The following VPS13A variants were observed in gnomAD, a reference collection of about 807,000 sequenced individuals.
The protein encoded by VPS13A is intermembrane lipid transfer protein VPS13A.
VPS13A carries 264 observed loss-of-function variants against 390.9 expected under a neutral mutation model. That is an observed-to-expected ratio of 0.68 (90% CI 0.61 to 0.75). VPS13A has a LOEUF of 0.75. Among genes scored for constraint, VPS13A ranks in the 30% least tolerant of loss-of-function variants. VPS13A has a pLI of 0.00. For synonymous variants in VPS13A, 1,231 were observed against 1,227.1 expected (o/e 1.00, Z -0.07); for missense variants, 3,409 against 3,733.9 (o/e 0.91, Z 2.27).
At chr9:77,197,925 C>A (rs1825098708) in intron 1 of VPS13A, among the ~76,000 whole-genome samples, 1 of 152,168 alleles carries the variant, frequency 6.6e-6, no homozygotes, top group Non-Finnish European at 1.5e-5. Context: ...AATTTTCTCA[C>A]ATTTATTCAC....
At chr9:77,227,697 T>G (rs999143485) in intron 16 of VPS13A, among the ~76,000 whole-genome samples, 15 of 147,800 alleles carry the variant, frequency 1.0e-4, no homozygotes, top group Non-Finnish European at 1.5e-4. Context: ...TGTGGTTTTT[T>G]TTTTGTTTTT....
intron 31 of VPS13A, among the ~76,000 whole-genome samples, chr9:77,292,068 A>G (rs60350051): frequency 0.014 from 2,173 of 151,770 alleles, 51 homozygotes; most frequent in African/African-American, 0.05. Flanking sequence ...TCTTATGGCT[A>G]TTGTTTTGAG....
intron 31 of VPS13A, among the ~76,000 whole-genome samples, chr9:77,285,616 T>C (rs1827278889): frequency 1.3e-5 from 2 of 152,226 alleles, no homozygotes; most frequent in Non-Finnish European, 2.9e-5. Context: ...GGCCTTGTTA[T>C]TAGGCCAACA....
At chr9:77,399,275 T>A (rs1274540944) in intron 68 of VPS13A, among the ~76,000 whole-genome samples, 3 of 150,396 alleles carry the variant, frequency 2.0e-5, no homozygotes, top group Admixed American at 6.6e-5. Context: ...CTATCAAGTG[T>A]GTTACATTTA....
At chr9:77,348,594 T>C (rs1831292156) in intron 52 of VPS13A, among the ~76,000 whole-genome samples, 1 of 152,040 alleles carries the variant, frequency 6.6e-6, no homozygotes, top group Admixed American at 6.6e-5. Context: ...CTGCACGTTC[T>C]GCACGTGTAT....
chr9:77,198,837 A>G (rs937004129), intron 1 of VPS13A, among the ~76,000 whole-genome samples: 3 of 151,910 alleles, frequency 2.0e-5, no homozygotes, highest in Non-Finnish European at 4.4e-5. Context: ...CTAATTTTGT[A>G]CTTTTAGTAG....
At chr9:77,258,257 T>A (rs1825561613) in intron 22 of VPS13A, among the ~76,000 whole-genome samples, 1 of 152,142 alleles carries the variant, frequency 6.6e-6, no homozygotes, top group Non-Finnish European at 1.5e-5. Flanking sequence ...TACCAAACAC[T>A]TCCAGGAGAG....
intron 1 of VPS13A, among the ~76,000 whole-genome samples, chr9:77,191,163 T>C (rs1824658974): frequency 6.6e-6 from 1 of 152,172 alleles, no homozygotes; most frequent in South Asian, 2.1e-4. Flanking sequence ...TCTAACATTT[T>C]GATGTGGGCA....
chr9:77,403,947 G>C (rs1291017091), intron 69 of VPS13A, among the ~76,000 whole-genome samples: 1 of 152,042 alleles, frequency 6.6e-6, no homozygotes, highest in East Asian at 1.9e-4. Context: ...GAAATGAATT[G>C]TCAATCTATG....
chr9:77,210,928 T>C (rs994603106), intron 7 of VPS13A, among the ~76,000 whole-genome samples: 2 of 152,168 alleles, frequency 1.3e-5, no homozygotes, highest in Non-Finnish European at 2.9e-5. Context: ...CTTTAAGAAA[T>C]CCATTTCCAA....
chr9:77,370,714 A>G, intron 65 of VPS13A, 136 bp downstream of exon 65: 2 of 1,396,006 alleles, frequency 1.4e-6, no homozygotes, highest in South Asian at 1.2e-5. Flanking sequence ...GGGTGGTAGC[A>G]TATAAAACAT....
At chr9:77,357,007 T>C (rs1831828312) in intron 55 of VPS13A, 140 bp downstream of exon 55, 1 of 982,558 alleles carries the variant, frequency 1.0e-6, no homozygotes, top group Non-Finnish European at 1.5e-6. Flanking sequence ...TAAAATGTTT[T>C]AAAGAGGTGT....
In VPS13A at chr9:77,321,273, A is replaced by G. The variant is rs1484656471; in HGVS notation, c.5520A>G (p.Gln1840=). The change falls in exon 43 of 72, where the codon CAA becomes CAG. Residue 1840 remains glutamine (Q), a synonymous_variant. Coordinates refer to ENST00000360280, the MANE Select transcript of VPS13A (RefSeq NM_033305.3). ...KTVISFHSKD[Q]LNITLSKCGL... The stretch of plus-strand genomic sequence containing the variant: ...TCATCAGTTTCCATTCAAAAGACCA[A>G]TTAAACATTACATTATCCAAATGTG... 2 of 1,610,874 alleles carry G rather than the reference A, an allele frequency of 1.2e-6. No homozygotes were observed. The highest frequency in any genetic ancestry group is 1.3e-5 in the African/African-American group (1 of 74,980).
rs1654754329 is a variant in VPS13A, at chr9:77,337,395, T to G, written c.6236T>G (p.Ile2079Ser). The G allele has an allele frequency of 1.9e-6, 3 of 1,612,848 alleles. No individual in the cohort carries two copies. Among genetic ancestry groups the G allele is most frequent in the Non-Finnish European group, 2.5e-6 (3 of 1,179,024 alleles). ...AACCCTTCTAAGGAATCATTTCTCATTAATATTGTTCCAGAAAAAGATAAT... is the reference window on the plus strand; with the variant it reads ...AACCCTTCTAAGGAATCATTTCTCAGTAATATTGTTCCAGAAAAAGATAAT... ...SKNPSKESFLINIVPEKDNLT... is the reference protein window; with the variant it reads ...SKNPSKESFLSNIVPEKDNLT... Residue 2079 changes from isoleucine (I) to serine (S), a missense_variant, in exon 47 of 72, where the codon ATT (isoleucine) becomes AGT (serine). Transcript: ENST00000360280.
chr9:77,292,387 A>T (rs1827729677), intron 31 of VPS13A, among the ~76,000 whole-genome samples: 1 of 152,100 alleles, frequency 6.6e-6, no homozygotes, highest in African/African-American at 2.4e-5. Context: ...GTTTGTCCTT[A>T]GATTTTTAGG....
intron 68 of VPS13A, 143 bp from the exon 69 acceptor site, chr9:77,403,093 G>T: frequency 1.6e-6 from 1 of 635,684 alleles, no homozygotes. Flanking sequence ...AAACAGCAAT[G>T]ATTTTACAAA....
At chr9:77,322,114 C>G (rs1829781616) in intron 44 of VPS13A, among the ~76,000 whole-genome samples, 1 of 151,524 alleles carries the variant, frequency 6.6e-6, no homozygotes, top group South Asian at 2.1e-4. Context: ...TGATAGTATT[C>G]CACCAGTTTT....
At chr9:77,234,831 A>G (rs1416757960) in intron 17 of VPS13A, among the ~76,000 whole-genome samples, 1 of 151,944 alleles carries the variant, frequency 6.6e-6, no homozygotes, top group East Asian at 1.9e-4. Flanking sequence ...TATTTTAGTC[A>G]TTTTGTTGAG....
At chr9:77,398,755 TG>T (rs1178547696) in intron 68 of VPS13A, among the ~76,000 whole-genome samples, 6 of 152,174 alleles carry the variant, frequency 3.9e-5, no homozygotes, top group African/African-American at 2.4e-5. Flanking sequence ...AGCAAGATTT[TG>T]CTGTGCGATG....
Sources: gnomAD v4.1 joint callset for allele counts (sites outside exome capture counted in the v4.1 genomes callset) on GRCh38, gnomAD v4.1.1 for gene constraint, MANE v1.5 for transcripts, NCBI Gene and HGNC (gene_info 2026-07-23, HGNC 2026-07-21) for gene names.